The following KIF18A variants were observed in gnomAD, a reference collection of about 807,000 sequenced individuals.
KIF18A encodes the protein kinesin-like protein KIF18A.
KIF18A carries 67 observed loss-of-function variants against 103.3 expected under a neutral mutation model. The observed-to-expected ratio is 0.65, with a 90% CI of 0.53 to 0.79. The LOEUF is 0.79. Among genes scored for constraint, KIF18A ranks in the 30% least tolerant of loss-of-function variants. The pLI is 0.00. For synonymous variants in KIF18A, 367 were observed against 355.5 expected (o/e 1.03, Z -0.36); for missense variants, 1,032 against 1,062.5 (o/e 0.97, Z 0.40).
chr11:28,071,154 G>A (rs933386445), intron 10 of KIF18A, among the ~76,000 whole-genome samples: 1 of 152,182 alleles, frequency 6.6e-6, no homozygotes, highest in African/African-American at 2.4e-5. Context: ...TCCTTTCAGA[G>A]AGTTCACAAG....
Position 28,108,117 on chromosome 11 carries a change from C to T in KIF18A, c.-100G>A, listed in dbSNP as rs1851561263. On this transcript the variant is annotated 5_prime_UTR_variant, in exon 1 of 17. Transcript: ENST00000263181. Reference sequence around the variant, plus strand: ...CCAGGCCAGGTTACCGCAACCACTTCACTTTAATGTCCGCCTCCCAGCGCT... The same window carrying T: ...CCAGGCCAGGTTACCGCAACCACTTTACTTTAATGTCCGCCTCCCAGCGCT... 1 of 152,488 alleles carries T rather than the reference C, an allele frequency of 6.6e-6. No homozygotes were observed. The highest frequency in any genetic ancestry group is 6.5e-5 in the Admixed American group (1 of 15,294). 9.4% of individuals were successfully genotyped at this position (152,488 alleles called of 1,614,324 possible).
chr11:28,045,213 C>A (rs1380431818), intron 13 of KIF18A, among the ~76,000 whole-genome samples: 2 of 151,906 alleles, frequency 1.3e-5, no homozygotes, highest in Non-Finnish European at 2.9e-5. Flanking sequence ...ACTGCCTATA[C>A]CTCAAGAGAA....
chr11:28,030,930 A>C (rs1190342458), intron 15 of KIF18A, among the ~76,000 whole-genome samples: 1 of 151,626 alleles, frequency 6.6e-6, no homozygotes, highest in Non-Finnish European at 1.5e-5. Context: ...CACATGAAAA[A>C]ATGCTCATGA....
At chr11:28,064,993 T>TAAAC (rs1850900343) in intron 11 of KIF18A, among the ~76,000 whole-genome samples, 3 of 152,042 alleles carry the variant, frequency 2.0e-5, no homozygotes, top group African/African-American at 7.2e-5. Flanking sequence ...TTTTAAAAAC[T>TAAAC]TGCTTTGGTT....
chr11:28,059,195 A>C, intron 12 of KIF18A, 34 bp from the exon 13 acceptor site: 1 of 1,391,108 alleles, frequency 7.2e-7, no homozygotes, highest in Non-Finnish European at 1.0e-6. Context: ...AGGAGAGATA[A>C]ATATGACATT....
At chr11:28,058,809 C>CATAAATTTT in intron 13 of KIF18A, 117 bp downstream of exon 13, 2 of 742,310 alleles carry the variant, frequency 2.7e-6, no homozygotes, top group South Asian at 3.7e-5. Flanking sequence ...GCTAATTTTC[C>CATAAATTTT]CATTAATTTT....
intron 13 of KIF18A, among the ~76,000 whole-genome samples, chr11:28,058,489 G>GAAAA (rs34177202): frequency 1.5e-4 from 8 of 54,234 alleles, no homozygotes; most frequent in African/African-American, 3.2e-4. Flanking sequence ...GTTTCTACAG[G>GAAAA]AAAAAAAAAA....
chr11:28,098,193 TAAGTACCCTAAA>T (rs1316440533), intron 1 of KIF18A, among the ~76,000 whole-genome samples, 200 bp from the exon 2 acceptor site: 1 of 151,914 alleles, frequency 6.6e-6, no homozygotes, highest in East Asian at 1.9e-4. Context: ...CATATGCACT[TAAGTACCCTAAA>T]ACAAACAATT....
Position 28,032,981 on chromosome 11 carries a change from A to G in KIF18A, c.2504+2406T>C, listed in dbSNP as rs112102411. 9.6e-3 allele frequency among the ~76,000 whole-genome samples: 1,453 copies of G among 152,046 alleles called. 13 individuals carry two copies. Among genetic ancestry groups the G allele is most frequent in the Non-Finnish European group, 0.016 (1,079 of 67,894 alleles). On this transcript the variant is annotated intron_variant, in intron 15 of 16. Coordinates refer to ENST00000263181, the MANE Select transcript of KIF18A (RefSeq NM_031217.4). ...ACTATCTATCTGACAAGGGATTAAT[A>G]ACCATAATACATAAGGAGCTCAAAC... is the stretch of plus-strand genomic sequence containing the variant.
intron 2 of KIF18A, chr11:28,097,221 T>C (rs1051118550): frequency 4.2e-5 from 7 of 165,778 alleles, no homozygotes; most frequent in African/African-American, 1.2e-4. Flanking sequence ...GAAAAACTGC[T>C]GAAAAGAAAC....
intron 5 of KIF18A, 102 bp from the exon 6 acceptor site, chr11:28,088,823 T>G (rs1851265635): frequency 1.1e-6 from 1 of 905,752 alleles, no homozygotes; most frequent in East Asian, 2.7e-5. Context: ...TTATTTTCAT[T>G]TTAAAAAACA....
At position 28,069,316 on chromosome 11, in the gene KIF18A, C is replaced by A. The variant is rs200309359; in HGVS notation, c.1533G>T (p.Trp511Cys). 1.8e-5 allele frequency: 29 copies of A among 1,613,318 alleles called. No individual in the cohort carries two copies. Among genetic ancestry groups the A allele is most frequent in the Non-Finnish European group, 2.4e-5 (28 of 1,179,618 alleles). Residue 511 changes from tryptophan (W) to cysteine (C), a missense_variant, in exon 11 of 17, where the codon TGG becomes TGT. Physicochemically the swap from Trp to Cys is radical, Grantham distance 215. Transcript: ENST00000263181. ...ELKQFDENTN[W>C]LHRVEKEMGL... The stretch of plus-strand genomic sequence containing the variant: ...CCATTTCTTTTTCGACACGATGGAG[C>A]CAATTAGTATTCTCATCAAATTGCT...
At chr11:28,071,083 A>G (rs947334842) in intron 10 of KIF18A, among the ~76,000 whole-genome samples, 4 of 152,334 alleles carry the variant, frequency 2.6e-5, no homozygotes, top group African/African-American at 9.6e-5. Flanking sequence ...AACTAAAAAA[A>G]GAATGCTATC....
chr11:28,085,837 A>G (rs1446949726), intron 6 of KIF18A, among the ~76,000 whole-genome samples: 1 of 152,156 alleles, frequency 6.6e-6, no homozygotes, highest in Non-Finnish European at 1.5e-5. Context: ...CAAGTCCCGT[A>G]GGGCTTGACC....
chr11:28,081,877 T>C (rs1851170017), intron 9 of KIF18A, among the ~76,000 whole-genome samples: 1 of 152,102 alleles, frequency 6.6e-6, no homozygotes, highest in African/African-American at 2.4e-5. Flanking sequence ...TTGTGATATG[T>C]GTAAGGAGGT....
At chr11:28,023,481 AG>A in intron 16 of KIF18A, among the ~76,000 whole-genome samples, 1 of 152,340 alleles carries the variant, frequency 6.6e-6, no homozygotes, top group South Asian at 2.1e-4. Context: ...GATAACTAAA[AG>A]GGTGTAGAAA....
intron 13 of KIF18A, among the ~76,000 whole-genome samples, chr11:28,057,983 T>C (rs1236792245): frequency 6.6e-6 from 1 of 152,210 alleles, no homozygotes. Context: ...AAAAGCTTTA[T>C]GTAATACATG....
At chr11:28,027,605 T>G (rs1850337533) in intron 15 of KIF18A, among the ~76,000 whole-genome samples, 1 of 152,070 alleles carries the variant, frequency 6.6e-6, no homozygotes, top group South Asian at 2.1e-4. Flanking sequence ...ATTTTTATCA[T>G]ACTGCACATC....
chr11:28,051,443 T>C (rs368602026), intron 13 of KIF18A, among the ~76,000 whole-genome samples: 4 of 151,998 alleles, frequency 2.6e-5, no homozygotes, highest in African/African-American at 9.6e-5. Context: ...AATATATCTA[T>C]ATAAGAATGC....
Sources: gnomAD v4.1 joint callset for allele counts (sites outside exome capture counted in the v4.1 genomes callset) on GRCh38, gnomAD v4.1.1 for gene constraint, MANE v1.5 for transcripts, NCBI Gene and HGNC (gene_info 2026-07-23, HGNC 2026-07-21) for gene names.